SYNPR: variants seen among roughly 807,000 people sequenced by gnomAD.
The protein encoded by SYNPR is synaptoporin.
In SYNPR, 23 loss-of-function variants were observed where a neutral mutation model predicts 32.9. The ratio of observed to expected loss-of-function variants is 0.70; its 90% confidence interval spans 0.50 to 0.99. The LOEUF is 0.99. Ranked by LOEUF, SYNPR falls within the 50% of genes least tolerant of loss-of-function variation. The probability of loss-of-function intolerance (pLI) is 0.00; values close to 1 mark genes in which losing one functional copy is unlikely to be tolerated. For synonymous variants in SYNPR, 146 were observed against 135.9 expected (o/e 1.07, Z -0.52); for missense variants, 318 against 349.3 (o/e 0.91, Z 0.71).
chr3:63,569,349 T>C (rs1219318030), intron 4 of SYNPR, among the ~76,000 whole-genome samples: 1 of 152,140 alleles, frequency 6.6e-6, no homozygotes, highest in Non-Finnish European at 1.5e-5. Flanking sequence ...AATACATCCC[T>C]AACCTGTGAC....
intron 2 of SYNPR, among the ~76,000 whole-genome samples, chr3:63,389,812 T>G (rs1197250887): frequency 6.8e-6 from 1 of 146,138 alleles, no homozygotes; most frequent in Non-Finnish European, 1.5e-5. Context: ...TCTATTCTCT[T>G]TCTTTCACTG....
At chr3:63,310,126 C>G (rs1414765237) in intron 2 of SYNPR, among the ~76,000 whole-genome samples, 1 of 151,924 alleles carries the variant, frequency 6.6e-6, no homozygotes, top group African/African-American at 2.4e-5. Flanking sequence ...ACCCCAGAAT[C>G]CCTCCCAACT....
chr3:63,305,537 T>A (rs1048695455), intron 2 of SYNPR, among the ~76,000 whole-genome samples: 1 of 152,156 alleles, frequency 6.6e-6, no homozygotes, highest in South Asian at 2.1e-4. Flanking sequence ...TACAAAAATT[T>A]TATGTTTTCT....
At chr3:63,302,148 A>C (rs961569000) in intron 2 of SYNPR, among the ~76,000 whole-genome samples, 4 of 152,090 alleles carry the variant, frequency 2.6e-5, no homozygotes, top group African/African-American at 7.2e-5. Flanking sequence ...GATTATTTCA[A>C]ATTCTCCAGT....
intron 2 of SYNPR, among the ~76,000 whole-genome samples, chr3:63,339,800 G>A (rs2087340658): frequency 7.0e-6 from 1 of 143,140 alleles, no homozygotes; most frequent in Admixed American, 7.1e-5. Flanking sequence ...TGGGATTACA[G>A]GCATGCCCAC....
At chr3:63,232,261 G>T (rs958852645) in intron 1 of SYNPR, among the ~76,000 whole-genome samples, 1 of 137,676 alleles carries the variant, frequency 7.3e-6, no homozygotes, top group Non-Finnish European at 1.5e-5. Context: ...GAGTGCAATG[G>T]CGTGATCTTG....
intron 4 of SYNPR, among the ~76,000 whole-genome samples, chr3:63,560,878 T>C (rs893250639): frequency 6.6e-6 from 1 of 152,196 alleles, no homozygotes; most frequent in South Asian, 2.1e-4. Flanking sequence ...CAATTCAAGA[T>C]GAGATTTGGG....
intron 4 of SYNPR, among the ~76,000 whole-genome samples, chr3:63,572,078 A>T (rs949310569): frequency 6.6e-6 from 1 of 152,118 alleles, no homozygotes; most frequent in East Asian, 1.9e-4. Flanking sequence ...CCTCACATCC[A>T]CTTGACTTTC....
chr3:63,555,173 T>C (rs553210655), intron 3 of SYNPR, among the ~76,000 whole-genome samples: 1 of 151,934 alleles, frequency 6.6e-6, no homozygotes, highest in Non-Finnish European at 1.5e-5. Flanking sequence ...ATAGTTTGAC[T>C]TCTTTTCCTA....
intron 2 of SYNPR, among the ~76,000 whole-genome samples, chr3:63,391,059 C>A (rs2088127328): frequency 1.3e-5 from 2 of 152,334 alleles, no homozygotes; most frequent in East Asian, 3.9e-4. Context: ...TGGGTTTCAT[C>A]ATGACTCAAT....
rs1056317349 is a variant in SYNPR at position 63,445,489 on chromosome 3, G to A, written c.85-35343G>A. On this transcript the variant is annotated intron_variant, in intron 2 of 5. Transcript: ENST00000478300. ...CATTAAAGACTTTTGTCATTTGGGG[G>A]AAAACAATAAAGGGATTTTTAAAAT... 1.3e-5 allele frequency: 9 copies of A among 683,766 alleles called. No individual in the cohort carries two copies. In the African/African-American group the frequency reaches 1.6e-4, roughly 12 times the overall value. The allele number at this position is 683,766 out of a possible 1,614,324, so 42.4% of individuals were successfully genotyped here.
chr3:63,304,528 A>G (rs1162714642), intron 2 of SYNPR, among the ~76,000 whole-genome samples: 3 of 151,976 alleles, frequency 2.0e-5, no homozygotes, highest in East Asian at 3.9e-4. Flanking sequence ...GTATGCTACA[A>G]CCTTTCATTT....
intron 3 of SYNPR, among the ~76,000 whole-genome samples, chr3:63,269,316 C>G (rs1312319934): frequency 6.6e-6 from 1 of 152,002 alleles, no homozygotes; most frequent in Non-Finnish European, 1.5e-5. Flanking sequence ...GGGTGAAACC[C>G]CATCTCTACT....
chr3:63,203,068 G>GTGTGTGTA, the SYNPR span: 21 of 108,584 alleles, frequency 1.9e-4, 1 homozygote, highest in African/African-American at 8.2e-4. Context: ...ATATGTATGT[G>GTGTGTGTA]TATATATATA....
chr3:63,313,960 C>T (rs1303102365), intron 2 of SYNPR, among the ~76,000 whole-genome samples: 1 of 1,614 alleles, frequency 6.2e-4, no homozygotes, highest in African/African-American at 2.6e-3. Context: ...TATATATATC[C>T]ATATATATAT....
chr3:63,363,919 T>A (rs1453309350), intron 2 of SYNPR, among the ~76,000 whole-genome samples: 1 of 152,194 alleles, frequency 6.6e-6, no homozygotes, highest in African/African-American at 2.4e-5. Flanking sequence ...TTGTGCATGA[T>A]AATGAGGAAG....
At position 63,613,610 on chromosome 3, in the gene SYNPR, C is replaced by CAAAAAAAAAAAAA. The variant is rs10566584; in HGVS notation, c.601-1597_601-1585dup. Among the ~76,000 whole-genome samples, 63 of 46,046 alleles carry CAAAAAAAAAAAAA rather than the reference C, an allele frequency of 1.4e-3. 7 individuals carry two copies. Among genetic ancestry groups the CAAAAAAAAAAAAA allele is most frequent in the African/African-American group, 5.1e-3 (62 of 12,114 alleles). 30.2% of individuals were successfully genotyped at this position (46,046 alleles called of 152,430 possible). The stretch of plus-strand genomic sequence containing the variant: ...TGCCTCAGTTCAATTTATGCTGCAG[C>CAAAAAAAAAAAAA]AAAAAAAAAAAAAAAAAAAAAAAAA... On this transcript the variant is annotated intron_variant, in intron 5 of 5. Transcript: ENST00000478300.
intron 1 of SYNPR, among the ~76,000 whole-genome samples, chr3:63,242,806 T>C (rs891232173): frequency 6.6e-6 from 1 of 151,984 alleles, no homozygotes; most frequent in Non-Finnish European, 1.5e-5. Flanking sequence ...GACTTTATTT[T>C]TAAGATGTTT....
chr3:63,308,092 T>C (rs2086925637), intron 2 of SYNPR, among the ~76,000 whole-genome samples: 1 of 152,072 alleles, frequency 6.6e-6, no homozygotes, highest in Admixed American at 6.6e-5. Flanking sequence ...CAAGAAATAC[T>C]TGAATAAATC....
Sources: gnomAD v4.1 joint callset for allele counts (sites outside exome capture counted in the v4.1 genomes callset) on GRCh38, gnomAD v4.1.1 for gene constraint, MANE v1.5 for transcripts, NCBI Gene and HGNC (gene_info 2026-07-23, HGNC 2026-07-21) for gene names.